Variants in BEST2 observed in about 807,000 individuals in gnomAD.
BEST2 encodes the protein bestrophin-2a.
Under a neutral mutation model 49.0 loss-of-function variants are expected in BEST2, and 36 were observed. The observed-to-expected ratio is 0.73, with a 90% confidence interval of 0.56 to 0.97. BEST2 has a LOEUF of 0.97. Ranked by LOEUF, BEST2 falls within the 50% of genes least tolerant of loss-of-function variation. The probability of loss-of-function intolerance (pLI) is 0.00; values close to 1 mark genes in which losing one functional copy is unlikely to be tolerated. For missense variants in BEST2, 672 were observed against 710.0 expected, an observed-to-expected ratio of 0.95 and a Z score of 0.61; for synonymous variants, 335 against 304.4, an observed-to-expected ratio of 1.10 and a Z score of -1.05.
Position 12,757,937 on chromosome 19 carries a change from C to A in BEST2, c.1390C>A (p.Pro464Thr). 3 of 1,582,292 alleles carry A rather than the reference C, an allele frequency of 1.9e-6. No individual in the cohort carries two copies. The highest frequency in any genetic ancestry group is 2.6e-6 in the Non-Finnish European group (3 of 1,166,378). Reference protein sequence around the residue: ...DPGLPEPEAPPPAGPEPLTLI... With the variant: ...DPGLPEPEAPTPAGPEPLTLI... The stretch of plus-strand genomic sequence containing the variant: ...CGGCCTGCCGGAGCCCGAGGCCCCG[C>A]CCCCTGCGGGTCCCGAACCGCTTAC... Residue 464 changes from proline (P) to threonine (T), a missense_variant, in exon 10 of 10, where the codon CCC (proline) becomes ACC (threonine). Around this residue, in one of 3 missense-constraint regions of BEST2, gnomAD observed 291 missense variants for 279.8 expected, o/e 1.04. Transcript: ENST00000553030.
chr19:12,752,561 C>T lies in BEST2; in HGVS notation c.-32C>T. 6.2e-7 allele frequency: 1 copy of T among 1,607,406 alleles called. No individual in the cohort carries two copies. Among genetic ancestry groups the T allele is most frequent in the Non-Finnish European group, 8.5e-7 (1 of 1,177,406 alleles). On this transcript the variant is annotated 5_prime_UTR_variant, in exon 2 of 10. Coordinates refer to ENST00000553030, the MANE Select transcript of BEST2 (RefSeq NM_017682.3). ...CCGCAGCCCCCACCCGGGCCACCCA[C>T]TCTCCCTTGGCCACACCTGCCGGGT...
chr19:12,756,174 G>A lies in BEST2; in HGVS notation c.982G>A (p.Asp328Asn). ...SMLAVDEMYDDLAVLEKDLYW... is the reference protein window; with the variant it reads ...SMLAVDEMYDNLAVLEKDLYW... ...GCTGGCAGTGGACGAGATGTATGAT[G>A]ACCTGGCTGTGCTGGAGAAGGACTT... Residue 328 changes from aspartate to asparagine, a missense_variant, in exon 9 of 10, where the codon GAC (aspartate) becomes AAC (asparagine). By Grantham distance (23) the Asp-to-Asn change is conservative (BLOSUM62 1). Coordinates refer to ENST00000553030, the MANE Select transcript of BEST2 (RefSeq NM_017682.3). 1.2e-6 allele frequency: 2 copies of A among 1,614,228 alleles called. No homozygotes were observed. Among genetic ancestry groups the A allele is most frequent in the Non-Finnish European group, 1.7e-6 (2 of 1,180,042 alleles).
Position 12,755,823 on chromosome 19 carries a change from A to G in BEST2, c.868-32A>G. 1 of 1,613,844 alleles carries G rather than the reference A, an allele frequency of 6.2e-7. No individual in the cohort carries two copies. Among genetic ancestry groups the G allele is most frequent in the Non-Finnish European group, 8.5e-7 (1 of 1,179,776 alleles). On this transcript the variant is annotated intron_variant, in intron 7 of 9. Coordinates refer to ENST00000553030, the MANE Select transcript of BEST2 (RefSeq NM_017682.3). The surrounding 1 kb of genome is among the most constrained non-coding windows in gnomAD (Gnocchi z 4.4). ...GGGTGGGGCGGGCATGGGGTTCCCAAGTTTCCACCTAACTGCTCCCTCTCC... is the reference window on the plus strand; with the variant it reads ...GGGTGGGGCGGGCATGGGGTTCCCAGGTTTCCACCTAACTGCTCCCTCTCC...
In BEST2 at chr19:12,754,714, T is replaced by G. The variant is rs745409765; in HGVS notation, c.410T>G (p.Val137Gly). The change falls in exon 4 of 10, where the codon GTG becomes GGG. Residue 137 changes from valine to glycine, a missense_variant. Val to Gly is a moderately radical substitution (Grantham distance 109). Transcript: ENST00000553030. ...TLMRYAGLSA[V>G]LILRSVSTAV... is the part of the protein sequence containing the mutation. ...ATGCGCTACGCAGGGCTCTCGGCCG[T>G]GCTCATCCTGCGCTCCGTCAGCACC... 9.4e-6 allele frequency: 15 copies of G among 1,591,234 alleles called. No homozygotes were observed. In the Admixed American group the frequency reaches 1.1e-4, roughly 11 times the overall value.
At position 12,758,244 on chromosome 19, in the gene BEST2, C is replaced by T; in HGVS notation, c.*167C>T. ...TGGCGCTGTGCTAGGGGCGGGAGTT[C>T]TTCCAGACTCTTGGACCAGCCCGCC... is the stretch of plus-strand genomic sequence containing the variant. On this transcript the variant is annotated 3_prime_UTR_variant, in exon 10 of 10. Coordinates refer to ENST00000553030, the MANE Select transcript of BEST2 (RefSeq NM_017682.3). 1.2e-6 allele frequency: 1 copy of T among 853,292 alleles called. No individual in the cohort carries two copies. The highest frequency in any genetic ancestry group is 1.8e-6 in the Non-Finnish European group (1 of 567,154). 52.9% of individuals were successfully genotyped at this position (853,292 alleles called of 1,614,324 possible). A position where few individuals can be genotyped will look rare whatever the true frequency, so the allele number is the denominator to read the frequency against.
In BEST2 at chr19:12,755,115, C is replaced by A; in HGVS notation, c.636+84C>A. Reference sequence around the variant, plus strand: ...TGTGTCAACGGCGGCCCTCCAAGCACCCCCACGAGGCCGATTTCAAACACC... The same window carrying A: ...TGTGTCAACGGCGGCCCTCCAAGCAACCCCACGAGGCCGATTTCAAACACC... On this transcript the variant is annotated intron_variant, in intron 5 of 9. Transcript: ENST00000553030. The surrounding 1 kb of genome is among the most constrained non-coding windows in gnomAD (Gnocchi z 4.4). 6.8e-7 allele frequency: 1 copy of A among 1,471,730 alleles called. No individual in the cohort carries two copies. Among genetic ancestry groups the A allele is most frequent in the Non-Finnish European group, 9.1e-7 (1 of 1,104,814 alleles). 91.2% of individuals were successfully genotyped at this position (1,471,730 alleles called of 1,614,324 possible). A position where few individuals can be genotyped will look rare whatever the true frequency, so the allele number is the denominator to read the frequency against.
In BEST2 at chr19:12,754,740, G is replaced by T; in HGVS notation, c.436G>T (p.Ala146Ser). The T allele has an allele frequency of 6.3e-7, 1 of 1,592,286 alleles. No homozygotes were observed. The highest frequency in any genetic ancestry group is 8.6e-7 in the Non-Finnish European group (1 of 1,169,328). The change falls in exon 4 of 10, where the codon GCG becomes TCG. Residue 146 changes from alanine to serine, a missense_variant. By Grantham distance (99) the Ala-to-Ser change is moderately conservative. Transcript: ENST00000553030. ...AVLILRSVST[A>S]VFKRFPTIDH... ...GCTCATCCTGCGCTCCGTCAGCACC[G>T]CGGTGTTCAAGCGCTTCCCCACCAT...
rs1967934086 is a variant in BEST2 at position 12,755,657 on chromosome 19, A to G, written c.757A>G (p.Ile253Val). 1 of 1,613,870 alleles carries G rather than the reference A, an allele frequency of 6.2e-7. No homozygotes were observed. The highest frequency in any genetic ancestry group is 2.2e-5 in the East Asian group (1 of 44,866). ...ALYSYFLACL[I>V]GRQFLDPAQG... The stretch of plus-strand genomic sequence containing the variant: ...GTACAGCTACTTCCTGGCTTGCCTC[A>G]TTGGTCGCCAGTTCCTGGACCCGGC... The change falls in exon 7 of 10, where the codon ATT becomes GTT. Residue 253 changes from isoleucine to valine, a missense_variant. Ile to Val is a conservative substitution (Grantham distance 29, BLOSUM62 3). Transcript: ENST00000553030. This position sits in a 1 kb window ranked among gnomAD's most constrained non-coding sequence, Gnocchi z 4.4.
chr19:12,755,920 C>A lies in BEST2; in HGVS notation c.933C>A (p.Ile311=), dbSNP rs369548970. The A allele has an allele frequency of 8.1e-6, 13 of 1,614,010 alleles. No individual in the cohort carries two copies. The highest frequency in any genetic ancestry group is 2.7e-5 in the African/African-American group (2 of 75,052). Residue 311 remains isoleucine (I), a synonymous_variant, in exon 8 of 10, where the codon ATC becomes ATA. Coordinates refer to ENST00000553030, the MANE Select transcript of BEST2 (RefSeq NM_017682.3). This position sits in a 1 kb window ranked among gnomAD's most constrained non-coding sequence, Gnocchi z 4.4. The part of the protein sequence containing the change: ...DDDDFETNFL[I]DRNFQVSMLA... Reference sequence around the variant, plus strand: ...ATGACTTTGAGACCAACTTTCTGATCGATAGAAACTTCCAGGTGAGACTCA... The same window carrying A: ...ATGACTTTGAGACCAACTTTCTGATAGATAGAAACTTCCAGGTGAGACTCA...
At position 12,758,037 on chromosome 19, in the gene BEST2, T is replaced by C; in HGVS notation, c.1490T>C (p.Leu497Pro). ...PGPRGPAPPW[L>P]PSPIGEEEEN... ...CCCCGGGGTCCGGCGCCACCCTGGCTGCCCAGCCCTATTGGCGAGGAGGAG... is the reference window on the plus strand; with the variant it reads ...CCCCGGGGTCCGGCGCCACCCTGGCCGCCCAGCCCTATTGGCGAGGAGGAG... Residue 497 changes from leucine to proline, a missense_variant, in exon 10 of 10, where the codon CTG (leucine) becomes CCG (proline). Coordinates refer to ENST00000553030, the MANE Select transcript of BEST2 (RefSeq NM_017682.3). The C allele has an allele frequency of 6.2e-7, 1 of 1,613,314 alleles. No homozygotes were observed. The highest frequency in any genetic ancestry group is 2.2e-5 in the East Asian group (1 of 44,874).
At position 12,753,255 on chromosome 19, in the gene BEST2, C is replaced by G; in HGVS notation, c.153-5C>G. 1 of 1,614,074 alleles carries G rather than the reference C, an allele frequency of 6.2e-7. No individual in the cohort carries two copies. Among genetic ancestry groups the G allele is most frequent in the Non-Finnish European group, 8.5e-7 (1 of 1,179,944 alleles). On this transcript the variant is annotated splice_polypyrimidine_tract_variant and splice_region_variant and intron_variant, in intron 2 of 9. Transcript: ENST00000553030. Reference sequence around the variant, plus strand: ...GACCTGTGACCCCTCATCTCTATCCCGCAGCTTTGTGCTGACCGAAGGGCA... The same window carrying G: ...GACCTGTGACCCCTCATCTCTATCCGGCAGCTTTGTGCTGACCGAAGGGCA...
Position 12,752,563 on chromosome 19 carries a change from C to G in BEST2, c.-30C>G. On this transcript the variant is annotated 5_prime_UTR_variant, in exon 2 of 10. Transcript: ENST00000553030. Reference sequence around the variant, plus strand: ...GCAGCCCCCACCCGGGCCACCCACTCTCCCTTGGCCACACCTGCCGGGTGC... The same window carrying G: ...GCAGCCCCCACCCGGGCCACCCACTGTCCCTTGGCCACACCTGCCGGGTGC... 1 of 1,607,460 alleles carries G rather than the reference C, an allele frequency of 6.2e-7. No individual in the cohort carries two copies. Among genetic ancestry groups the G allele is most frequent in the Non-Finnish European group, 8.5e-7 (1 of 1,177,362 alleles).
intron 3 of BEST2, among the ~76,000 whole-genome samples, chr19:12,753,644 T>A (rs1057131527): frequency 4.6e-5 from 7 of 152,098 alleles, no homozygotes; most frequent in African/African-American, 1.7e-4. Context: ...TTCTCACCAG[T>A]GTCTGTTGTG....
intron 9 of BEST2, among the ~76,000 whole-genome samples, chr19:12,757,148 CAT>C (rs1207533686): frequency 2.0e-5 from 3 of 149,258 alleles, no homozygotes; most frequent in African/African-American, 5.0e-5. Flanking sequence ...CATTTCAAAA[CAT>C]AAAAATAGGC....
At position 12,757,779 on chromosome 19, in the gene BEST2, G is replaced by A. The variant is rs1463428102; in HGVS notation, c.1232G>A (p.Gly411Asp). The part of the protein sequence containing the change: ...GAGMVAGGPL[G>D]RRLSFLLRKN... ...GGCATGGTCGCGGGAGGCCCGCTGG[G>A]CCGGCGCCTGTCCTTTCTACTCCGC... The change falls in exon 10 of 10, where the codon GGC (glycine) becomes GAC (aspartate). Residue 411 changes from glycine (G) to aspartate (D), a missense_variant. Gly to Asp is a moderately conservative substitution (Grantham distance 94). Coordinates refer to ENST00000553030, the MANE Select transcript of BEST2 (RefSeq NM_017682.3). 2 of 1,546,036 alleles carry A rather than the reference G, an allele frequency of 1.3e-6. No homozygotes were observed. Among genetic ancestry groups the A allele is most frequent in the Non-Finnish European group, 1.7e-6 (2 of 1,146,120 alleles).
rs1418231183 is a variant in BEST2, at chr19:12,753,351, C to T, written c.244C>T (p.Leu82Phe). ...CAGCCTCATCCCTGTCTCCTTCGTG[C>T]TTGGTGCGGTCCAACCCCAAGTCCC... ...YASLIPVSFV[L>F]GFYVTLVVNR... is the part of the protein sequence containing the mutation. The change falls in exon 3 of 10, where the codon CTT becomes TTT. Residue 82 changes from leucine (L) to phenylalanine (F), a missense_variant. Physicochemically the swap from Leu to Phe is conservative, Grantham distance 22. Coordinates refer to ENST00000553030, the MANE Select transcript of BEST2 (RefSeq NM_017682.3). 1 of 1,614,050 alleles carries T rather than the reference C, an allele frequency of 6.2e-7. No individual in the cohort carries two copies. Among genetic ancestry groups the T allele is most frequent in the Non-Finnish European group, 8.5e-7 (1 of 1,179,930 alleles).
Position 12,755,930 on chromosome 19 carries a change from T to C in BEST2, c.943T>C (p.Phe315Leu), listed in dbSNP as rs1456000924. ...GACCAACTTTCTGATCGATAGAAAC[T>C]TCCAGGTGAGACTCAGTTTCCAGGT... is the stretch of plus-strand genomic sequence containing the variant. ...FETNFLIDRN[F>L]QVSMLAVDEM... The change falls in exon 8 of 10, where the codon TTC becomes CTC. Residue 315 changes from phenylalanine to leucine, a missense_variant. Transcript: ENST00000553030. The surrounding 1 kb of genome is among the most constrained non-coding windows in gnomAD (Gnocchi z 4.4). 1 of 1,613,818 alleles carries C rather than the reference T, an allele frequency of 6.2e-7. No homozygotes were observed. Among genetic ancestry groups the C allele is most frequent in the Admixed American group, 1.7e-5 (1 of 59,996 alleles).
chr19:12,756,457 A>T (rs1967945452), intron 9 of BEST2, 162 bp downstream of exon 9: 18 of 993,608 alleles, frequency 1.8e-5, no homozygotes, highest in Non-Finnish European at 1.5e-5. Context: ...GTCAGGGGAC[A>T]AGGTCAAGGT....
chr19:12,755,539 G>A lies in BEST2; in HGVS notation c.715-76G>A. On this transcript the variant is annotated intron_variant, in intron 6 of 9. Transcript: ENST00000553030. This position sits in a 1 kb window ranked among gnomAD's most constrained non-coding sequence, Gnocchi z 4.4. The stretch of plus-strand genomic sequence containing the variant: ...CAAGGGGAAACCAAGAACTAGCTAA[G>A]ACCCCCATCATAATGATGCCTAATC... 2 of 1,608,842 alleles carry A rather than the reference G, an allele frequency of 1.2e-6. No individual in the cohort carries two copies. Among genetic ancestry groups the A allele is most frequent in the Non-Finnish European group, 1.7e-6 (2 of 1,175,680 alleles).
Sources: allele counts gnomAD v4.1 joint callset (sites outside exome capture counted in the v4.1 genomes callset), GRCh38; gene constraint gnomAD v4.1.1; regional missense constraint gnomAD v4.1.1; non-coding constraint Gnocchi (gnomAD v3.1); transcripts MANE v1.5; gene names NCBI Gene and HGNC (gene_info 2026-07-23, HGNC 2026-07-21).